POMZP3: variants seen among roughly 807,000 people sequenced by gnomAD.
POMZP3 encodes POM121 and ZP3 fusion.
A neutral mutation model predicts 19.8 loss-of-function variants in POMZP3; 10 were observed. The observed-to-expected ratio is 0.51, with a 90% CI of 0.31 to 0.86. The LOEUF (loss-of-function observed/expected upper bound fraction) is 0.86. Ranked by LOEUF, POMZP3 falls within the 40% of genes least tolerant of loss-of-function variation. POMZP3 has a pLI of 0.04. For synonymous variants in POMZP3, 57 were observed against 85.8 expected (o/e 0.66, Z 1.85); for missense variants, 152 against 228.1 (o/e 0.67, Z 2.15).
rs550352703 is a variant in POMZP3 at position 76,624,946 on chromosome 7, C to T, written c.227+576G>A. 4.1e-3 allele frequency among the ~76,000 whole-genome samples: 609 copies of T among 149,658 alleles called. 3 individuals carry two copies. Among genetic ancestry groups the T allele is most frequent in the African/African-American group, 9.0e-3 (372 of 41,182 alleles). On this transcript the variant is annotated intron_variant, in intron 3 of 6. Coordinates refer to ENST00000310842, the MANE Select transcript of POMZP3 (RefSeq NM_012230.5). The stretch of plus-strand genomic sequence containing the variant: ...AGGAGTTCGAGACCATCCTGGCCAA[C>T]ATGGTGAAACCCTGTCTCTACTAAA...
At position 76,627,199 on chromosome 7, in the gene POMZP3, C is replaced by A; in HGVS notation, c.-643G>T. ...CGCCGCCCCGGCCGGCCCTGACACT[C>A]GCTATCGGCCGCCGCCGCTCGCCTG... is the stretch of plus-strand genomic sequence containing the variant. On this transcript the variant is annotated 5_prime_UTR_variant, in exon 1 of 7. Transcript: ENST00000310842. 10 of 1,437,694 alleles carry A rather than the reference C, an allele frequency of 7.0e-6. 2 individuals are homozygous for A. Among genetic ancestry groups the A allele is most frequent in the South Asian group, 1.3e-5 (1 of 74,134 alleles). The allele number at this position is 1,437,694 out of a possible 1,614,324, so 89.1% of individuals were successfully genotyped here. A position where few individuals can be genotyped will look rare whatever the true frequency, so the allele number is the denominator to read the frequency against.
chr7:76,619,217 G>A (rs1378627426), intron 3 of POMZP3, among the ~76,000 whole-genome samples: 1 of 152,056 alleles, frequency 6.6e-6, no homozygotes, highest in Non-Finnish European at 1.5e-5. Context: ...GGGAAACCCC[G>A]TCTCCACTAA....
chr7:76,611,209 G>A (rs1043254613), intron 6 of POMZP3, among the ~76,000 whole-genome samples: 1 of 151,136 alleles, frequency 6.6e-6, no homozygotes, highest in African/African-American at 2.4e-5. Context: ...TCCCCTACAT[G>A]CCTAATTATG....
At chr7:76,624,611 A>AC (rs1340482018) in intron 3 of POMZP3, among the ~76,000 whole-genome samples, 5 of 148,838 alleles carry the variant, frequency 3.4e-5, no homozygotes, top group African/African-American at 1.2e-4. Context: ...ACATCCAGCT[A>AC]ATTTTTGTAT....
intron 3 of POMZP3, among the ~76,000 whole-genome samples, 173 bp downstream of exon 3, chr7:76,625,349 A>G (rs1310830130): frequency 7.9e-5 from 12 of 151,788 alleles, no homozygotes; most frequent in Non-Finnish European, 1.8e-4. Flanking sequence ...CTGTGCCTTG[A>G]AATGATCAGC....
chr7:76,617,690 T>TC, intron 4 of POMZP3, among the ~76,000 whole-genome samples: 1 of 106,640 alleles, frequency 9.4e-6, no homozygotes. Context: ...CACCTGCCTT[T>TC]TTTTTTTTTT....
At position 76,622,383 on chromosome 7, in the gene POMZP3, T is replaced by G. The variant is rs934953192; in HGVS notation, c.227+3139A>C. Reference sequence around the variant, plus strand: ...ACACTATCATTCTCAAGTTTTTTTTTTTTTTTTTTTTTTGAGATGGAGTCT... The same window carrying G: ...ACACTATCATTCTCAAGTTTTTTTTGTTTTTTTTTTTTTGAGATGGAGTCT... On this transcript the variant is annotated intron_variant, in intron 3 of 6. Transcript: ENST00000310842. Among the ~76,000 whole-genome samples, 24 of 120,822 alleles carry G rather than the reference T, an allele frequency of 2.0e-4. No homozygotes were observed. The South Asian group carries it at 5.4e-3, about 27-fold the overall frequency. 79.3% of individuals were successfully genotyped at this position (120,822 alleles called of 152,430 possible). A position where few individuals can be genotyped will look rare whatever the true frequency, so the allele number is the denominator to read the frequency against.
In POMZP3 at chr7:76,615,653, A is replaced by G. The variant is rs1284821401; in HGVS notation, c.345+2530T>C. 3 of 83,294 alleles carry G rather than the reference A, an allele frequency of 3.6e-5. 1 individual carries two copies. The highest frequency in any genetic ancestry group is 7.0e-5 in the Non-Finnish European group (3 of 42,768). 5.2% of individuals were successfully genotyped at this position (83,294 alleles called of 1,614,324 possible). A position where few individuals can be genotyped will look rare whatever the true frequency, so the allele number is the denominator to read the frequency against. On this transcript the variant is annotated intron_variant, in intron 4 of 6. Transcript: ENST00000310842. ...TTAAGTGGCTTTTGATGCATTTCCA[A>G]GTAGAATAAGGTAGGTCAGTAGATG...
chr7:76,623,054 T>C (rs1815659497), intron 3 of POMZP3, among the ~76,000 whole-genome samples: 1 of 151,618 alleles, frequency 6.6e-6, no homozygotes, highest in African/African-American at 2.4e-5. Flanking sequence ...TTTTGTTTGG[T>C]AGAGATGGAG....
Position 76,626,897 on chromosome 7 carries a change from GGTAACT to G in POMZP3, c.-347_-342del, listed in dbSNP as rs1815938274. 7.2e-7 allele frequency: 1 copy of G among 1,387,578 alleles called. No individual in the cohort carries two copies. The highest frequency in any genetic ancestry group is 2.7e-4 in the Middle Eastern group (1 of 3,744). The allele number at this position is 1,387,578 out of a possible 1,614,324, so 86.0% of individuals were successfully genotyped here. A position where few individuals can be genotyped will look rare whatever the true frequency, so the allele number is the denominator to read the frequency against. ...GGCTGCGGCGGCCCGGGCTTGCCCA[GGTAACT>G]GCCCATGAGGAGCAGTTCGGCAGGG... On this transcript the variant is annotated 5_prime_UTR_variant, in exon 1 of 7. Transcript: ENST00000310842.
chr7:76,627,275 G>C lies in POMZP3; in HGVS notation c.-719C>G, dbSNP rs1361083574. 4.5e-6 allele frequency: 6 copies of C among 1,336,576 alleles called. No homozygotes were observed. In the African/African-American group the frequency reaches 4.6e-5, roughly 10 times the overall value. 82.8% of individuals were successfully genotyped at this position (1,336,576 alleles called of 1,614,324 possible). A position where few individuals can be genotyped will look rare whatever the true frequency, so the allele number is the denominator to read the frequency against. On this transcript the variant is annotated 5_prime_UTR_variant, in exon 1 of 7. Coordinates refer to ENST00000310842, the MANE Select transcript of POMZP3 (RefSeq NM_012230.5). ...CATCGCGGCTCCGCGCCGCGGAGGA[G>C]ACTTAAATATCCCAGCGTGCACCGC...
At chr7:76,620,824 TG>T (rs898634535) in intron 3 of POMZP3, among the ~76,000 whole-genome samples, 6 of 146,848 alleles carry the variant, frequency 4.1e-5, no homozygotes, top group Admixed American at 1.4e-4. Context: ...GATAATTATT[TG>T]GGGAAGACTG....
At chr7:76,625,910 T>C (rs1584357831) in intron 2 of POMZP3, 90 bp downstream of exon 2, 1 of 1,564,588 alleles carries the variant, frequency 6.4e-7, no homozygotes, top group Admixed American at 1.8e-5. Context: ...CCTTTCTTTT[T>C]TGCGTTGTAG....
rs188940588 is a variant in POMZP3, at chr7:76,626,655, G to T, written c.-152+53C>A. 3.8e-5 allele frequency: 52 copies of T among 1,363,326 alleles called. 2 individuals are homozygous for T. The East Asian group carries it at 1.5e-3, about 39-fold the overall frequency. The allele number at this position is 1,363,326 out of a possible 1,614,324, so 84.5% of individuals were successfully genotyped here. A position where few individuals can be genotyped will look rare whatever the true frequency, so the allele number is the denominator to read the frequency against. On this transcript the variant is annotated intron_variant, in intron 1 of 6. Coordinates refer to ENST00000310842, the MANE Select transcript of POMZP3 (RefSeq NM_012230.5). ...AAGCAAATCGGATTTAAAAGTCCTC[G>T]ATTTCAAGCCAGCCGAGCCAAAGGA...
chr7:76,610,250 T>C (rs1335792293), intron 6 of POMZP3, 35 bp from the exon 7 acceptor site: 9 of 1,613,772 alleles, frequency 5.6e-6, no homozygotes, highest in Non-Finnish European at 7.6e-6. Context: ...AGGGTCATCT[T>C]AGTCCCTAAC....
In POMZP3 at chr7:76,611,476, C is replaced by T. The variant is rs1221751992; in HGVS notation, c.553G>A (p.Ala185Thr). The change falls in exon 6 of 7, where the codon GCT becomes ACT. Residue 185 changes from alanine to threonine, a missense_variant. This residue lies in a region of POMZP3 where 65 missense variants were observed against 86.2 expected (regional missense o/e 0.75). Coordinates refer to ENST00000310842, the MANE Select transcript of POMZP3 (RefSeq NM_012230.5). ...TACCATGCCTGCGGTTACAGGGAAG[C>T]AGACGTGGACCACTGGCTCACGACA... is the stretch of plus-strand genomic sequence containing the variant. ...PRVVSQWSTS[A>T]SL The T allele has an allele frequency of 5.0e-6, 8 of 1,601,346 alleles. 1 individual carries two copies. The highest frequency in any genetic ancestry group is 1.7e-4 in the Middle Eastern group (1 of 6,020).
chr7:76,623,172 C>T (rs1019075961), intron 3 of POMZP3, among the ~76,000 whole-genome samples: 1 of 145,736 alleles, frequency 6.9e-6, no homozygotes, highest in African/African-American at 2.5e-5. Context: ...GCACCCAGCC[C>T]AAATTGATTG....
At chr7:76,620,665 G>A (rs1220888399) in intron 3 of POMZP3, among the ~76,000 whole-genome samples, 11 of 151,690 alleles carry the variant, frequency 7.3e-5, no homozygotes, top group African/African-American at 2.2e-4. Flanking sequence ...ATGGGGTTAC[G>A]CCATGTTGGC....
chr7:76,623,197 T>TTA (rs1554652153), intron 3 of POMZP3, among the ~76,000 whole-genome samples: 2 of 149,700 alleles, frequency 1.3e-5, no homozygotes, highest in Non-Finnish European at 3.0e-5. Context: ...TTTTTTTTTT[T>TTA]ATTTCACTTT....
Sources: gnomAD v4.1 joint callset for allele counts (sites outside exome capture counted in the v4.1 genomes callset) on GRCh38, gnomAD v4.1.1 for gene constraint, gnomAD v4.1.1 regional missense constraint, MANE v1.5 for transcripts, NCBI Gene and HGNC (gene_info 2026-07-23, HGNC 2026-07-21) for gene names.